Variants in NCS1 observed in about 807,000 individuals in gnomAD.
The protein encoded by NCS1 is frequenin homolog.
NCS1 carries 6 observed loss-of-function variants against 28.4 expected under a neutral mutation model. The observed-to-expected ratio is 0.21, with a 90% CI of 0.12 to 0.42. The LOEUF is 0.42. Ranked by LOEUF, NCS1 falls within the 10% of genes least tolerant of loss-of-function variation. The pLI is 1.00. For missense variants in NCS1, 131 were observed against 241.4 expected, an observed-to-expected ratio of 0.54 and a Z score of 3.03; for synonymous variants, 86 against 99.3, an observed-to-expected ratio of 0.87 and a Z score of 0.79.
At chr9:130,217,536 G>A (rs1433981022) in intron 2 of NCS1, among the ~76,000 whole-genome samples, 4 of 152,220 alleles carry the variant, frequency 2.6e-5, no homozygotes, top group South Asian at 2.1e-4. Context: ...TGGAGCACAG[G>A]GCTGGGTGGC....
chr9:130,188,357 G>A (rs906146761), intron 1 of NCS1, among the ~76,000 whole-genome samples: 3 of 152,096 alleles, frequency 2.0e-5, no homozygotes, highest in Admixed American at 1.3e-4. Context: ...CTTTCCTCAG[G>A]GAGCACGCCT....
rs1833510584 is a variant in NCS1, at chr9:130,232,312, A to G, written c.*18-678A>G. Among the ~76,000 whole-genome samples the G allele has an allele frequency of 6.6e-6, 1 of 151,984 alleles. No individual in the cohort carries two copies. The highest frequency in any genetic ancestry group is 1.5e-5 in the Non-Finnish European group (1 of 67,982). On this transcript the variant is annotated intron_variant, in intron 7 of 7. Coordinates refer to ENST00000372398, the MANE Select transcript of NCS1 (RefSeq NM_014286.4). This position sits in a 1 kb window ranked among gnomAD's most constrained non-coding sequence, Gnocchi z 4.4. ...ATGTTGGGCATCTTTTCATGTGTTT[A>G]TCGACTGTTCTATGTGTTGTTTTTA...
rs1244646601 is a variant in NCS1 at position 130,211,455 on chromosome 9, CT to C, written c.90-6376del. 2.0e-5 allele frequency among the ~76,000 whole-genome samples: 3 copies of C among 151,786 alleles called. No individual in the cohort carries two copies. In the South Asian group the frequency reaches 6.3e-4, roughly 32 times the overall value. On this transcript the variant is annotated intron_variant, in intron 2 of 7. Coordinates refer to ENST00000372398, the MANE Select transcript of NCS1 (RefSeq NM_014286.4). ...TAACGGGTTGTTCCTGGTGCCATCT[CT>C]ACTCCTCCACCCTGGCCTGGCCTGA... is the stretch of plus-strand genomic sequence containing the variant.
In NCS1 at chr9:130,224,514, C is replaced by T. The variant is rs140876872; in HGVS notation, c.474+1355C>T. ...CAGAGGTTGCAGTGAGCCGAGATCA[C>T]ACCACTGCACTCCAGCCTGGGCAAT... is the stretch of plus-strand genomic sequence containing the variant. On this transcript the variant is annotated intron_variant, in intron 6 of 7. Transcript: ENST00000372398. Among the ~76,000 whole-genome samples the T allele has an allele frequency of 9.1e-3, 1,367 of 150,562 alleles. 8 individuals carry two copies. The highest frequency in any genetic ancestry group is 0.014 in the Non-Finnish European group (953 of 67,772).
chr9:130,212,587 T>A (rs1280346120), intron 2 of NCS1, among the ~76,000 whole-genome samples: 5 of 150,866 alleles, frequency 3.3e-5, no homozygotes, highest in African/African-American at 1.2e-4. Flanking sequence ...CACAACAGGT[T>A]AGTGCCAGGC....
rs1185478207 is a variant in NCS1 at position 130,219,758 on chromosome 9, G to T, written c.262G>T (p.Ala88Ser). 3.7e-6 allele frequency: 6 copies of T among 1,614,124 alleles called. No individual in the cohort carries two copies. Among genetic ancestry groups the T allele is most frequent in the African/African-American group, 2.7e-5 (2 of 74,942 alleles). Residue 88 changes from alanine (A) to serine (S), a missense_variant, in exon 4 of 8, where the codon GCG (alanine) becomes TCG (serine). By Grantham distance (99) the Ala-to-Ser change is moderately conservative. This residue lies in a region of NCS1 where 100 missense variants were observed against 210.3 expected (regional missense o/e 0.48). Coordinates refer to ENST00000372398, the MANE Select transcript of NCS1 (RefSeq NM_014286.4). The surrounding 1 kb of genome is among the most constrained non-coding windows in gnomAD (Gnocchi z 5.7). Reference protein sequence around the residue: ...GRIEFSEFIQALSVTSRGTLD... With the variant: ...GRIEFSEFIQSLSVTSRGTLD... ...AATTGAGTTCTCCGAGTTCATCCAGGCGCTGTCGGTGACCTCACGGGGAAC... is the reference window on the plus strand; with the variant it reads ...AATTGAGTTCTCCGAGTTCATCCAGTCGCTGTCGGTGACCTCACGGGGAAC...
At position 130,181,810 on chromosome 9, in the gene NCS1, G is replaced by T. The variant is rs1444194123; in HGVS notation, c.64+9083G>T. 6.6e-6 allele frequency among the ~76,000 whole-genome samples: 1 copy of T among 152,152 alleles called. No homozygotes were observed. Among genetic ancestry groups the T allele is most frequent in the Non-Finnish European group, 1.5e-5 (1 of 68,022 alleles). On this transcript the variant is annotated intron_variant, in intron 1 of 7. Coordinates refer to ENST00000372398, the MANE Select transcript of NCS1 (RefSeq NM_014286.4). The surrounding 1 kb of genome is among the most constrained non-coding windows in gnomAD (Gnocchi z 5.0). ...CGATTCACGTGGGCACGCTCCGAGC[G>T]TGAGTGACGGGGTCATGGCGTGTGT...
At chr9:130,213,079 C>G (rs1554908941) in intron 2 of NCS1, among the ~76,000 whole-genome samples, 1 of 152,184 alleles carries the variant, frequency 6.6e-6, no homozygotes. Flanking sequence ...GTCGCTTTAC[C>G]CATGCGCTTA....
intron 6 of NCS1, among the ~76,000 whole-genome samples, chr9:130,223,492 A>G (rs1207371920): frequency 6.6e-6 from 1 of 152,128 alleles, no homozygotes; most frequent in African/African-American, 2.4e-5. Flanking sequence ...ATCAAAAAGG[A>G]AGCTGATTAT....
chr9:130,214,076 G>A (rs1833149920), intron 2 of NCS1, among the ~76,000 whole-genome samples: 1 of 152,208 alleles, frequency 6.6e-6, no homozygotes, highest in African/African-American at 2.4e-5. Flanking sequence ...CATGTTACAT[G>A]CCAGGCCTCA....
In NCS1 at chr9:130,175,991, T is replaced by C. The variant is rs1364861035; in HGVS notation, c.64+3264T>C. Among the ~76,000 whole-genome samples the C allele has an allele frequency of 6.6e-6, 1 of 152,136 alleles. No homozygotes were observed. The highest frequency in any genetic ancestry group is 1.9e-4 in the East Asian group (1 of 5,194). On this transcript the variant is annotated intron_variant, in intron 1 of 7. Transcript: ENST00000372398. The surrounding 1 kb of genome is among the most constrained non-coding windows in gnomAD (Gnocchi z 4.9). ...ACCTACCTGAGCCTCAGTTTCCTCATCTGCAAAATAGGTGTGCTCATGGCA... is the reference window on the plus strand; with the variant it reads ...ACCTACCTGAGCCTCAGTTTCCTCACCTGCAAAATAGGTGTGCTCATGGCA...
At position 130,172,731 on chromosome 9, in the gene NCS1, A is replaced by C; in HGVS notation, c.64+4A>C. 6.7e-7 allele frequency: 1 copy of C among 1,497,078 alleles called. No individual in the cohort carries two copies. The highest frequency in any genetic ancestry group is 9.0e-7 in the Non-Finnish European group (1 of 1,116,468). The allele number at this position is 1,497,078 out of a possible 1,614,324, so 92.7% of individuals were successfully genotyped here. ...GAGCTGACCAGGAAGACCTACTGTG[A>C]GTGCTCCCAGCCCCCAGCCCGCGCC... On this transcript the variant is annotated splice_donor_region_variant and intron_variant, in intron 1 of 7. Transcript: ENST00000372398.
chr9:130,214,231 C>T (rs576179430), intron 2 of NCS1, among the ~76,000 whole-genome samples: 24 of 152,306 alleles, frequency 1.6e-4, no homozygotes, highest in African/African-American at 5.8e-4. Context: ...AGGCCTCAGA[C>T]CTGGGGCTGG....
At chr9:130,184,216 A>G (rs1554905443) in intron 1 of NCS1, among the ~76,000 whole-genome samples, 1 of 152,084 alleles carries the variant, frequency 6.6e-6, no homozygotes, top group Non-Finnish European at 1.5e-5. Flanking sequence ...CCCTGTGACC[A>G]CTTCCTTCTC....
chr9:130,227,090 G>A (rs980506134), intron 7 of NCS1, among the ~76,000 whole-genome samples: 1 of 150,594 alleles, frequency 6.6e-6, no homozygotes, highest in Middle Eastern at 3.2e-3. Context: ...AAGACACTTT[G>A]AAAATTAGTT....
Position 130,200,683 on chromosome 9 carries a change from C to T in NCS1, c.65-275C>T, listed in dbSNP as rs1832929854. On this transcript the variant is annotated intron_variant, in intron 1 of 7. Coordinates refer to ENST00000372398, the MANE Select transcript of NCS1 (RefSeq NM_014286.4). Reference sequence around the variant, plus strand: ...AACCCTTGAGTGCCACAGGGCGTTCCTGGGGGCTCTCCCAGCAGCGGCAGT... The same window carrying T: ...AACCCTTGAGTGCCACAGGGCGTTCTTGGGGGCTCTCCCAGCAGCGGCAGT... The T allele has an allele frequency of 4.5e-5, 70 of 1,549,166 alleles. 2 individuals are homozygous for T. In the South Asian group the frequency reaches 8.2e-4, roughly 18 times the overall value.
intron 2 of NCS1, among the ~76,000 whole-genome samples, chr9:130,216,089 G>C (rs1223121711): frequency 1.3e-5 from 2 of 152,216 alleles, no homozygotes; most frequent in Non-Finnish European, 2.9e-5. Context: ...CATGTGCCCA[G>C]GATCCATTCC....
At chr9:130,183,860 A>AG (rs1832705129) in intron 1 of NCS1, among the ~76,000 whole-genome samples, 1 of 143,426 alleles carries the variant, frequency 7.0e-6, no homozygotes, top group Non-Finnish European at 1.5e-5. Context: ...CCCAGGCTGG[A>AG]GTGCAGTGGC....
intron 7 of NCS1, among the ~76,000 whole-genome samples, chr9:130,227,022 CAA>C (rs782338218): frequency 9.4e-5 from 4 of 42,710 alleles, no homozygotes; most frequent in African/African-American, 9.0e-5. Context: ...GACTCCATCT[CAA>C]AAAAAAAAAA....
Sources: allele counts gnomAD v4.1 joint callset (sites outside exome capture counted in the v4.1 genomes callset), GRCh38; gene constraint gnomAD v4.1.1; regional missense constraint gnomAD v4.1.1; non-coding constraint Gnocchi (gnomAD v3.1); transcripts MANE v1.5; gene names NCBI Gene and HGNC (gene_info 2026-07-23, HGNC 2026-07-21).